The following VWA8 variants were observed in gnomAD, a reference collection of about 807,000 sequenced individuals.
VWA8 encodes von Willebrand factor A domain containing 8, also known as von Willebrand factor A domain-containing protein 8.
Under a neutral mutation model 241.5 loss-of-function variants are expected in VWA8, and 221 were observed. The ratio of observed to expected loss-of-function variants is 0.91; its 90% confidence interval spans 0.82 to 1.02. VWA8 has a LOEUF of 1.02. Ranked by LOEUF, VWA8 falls within the 50% of genes least tolerant of loss-of-function variation. The pLI is 0.00. For synonymous variants in VWA8, 852 were observed against 827.1 expected, an observed-to-expected ratio of 1.03 and a Z score of -0.52; for missense variants, 2,322 against 2,328.7, an observed-to-expected ratio of 1.00 and a Z score of 0.06.
At chr13:41,579,320 A>G (rs2044368623) in intron 42 of VWA8, among the ~76,000 whole-genome samples, 1 of 152,224 alleles carries the variant, frequency 6.6e-6, no homozygotes, top group Non-Finnish European at 1.5e-5. Flanking sequence ...ATGTGATTTA[A>G]AAAGTCAAGA....
chr13:41,747,885 T>C (rs1382324987), intron 21 of VWA8, among the ~76,000 whole-genome samples: 2 of 152,246 alleles, frequency 1.3e-5, no homozygotes, highest in Admixed American at 6.5e-5. Flanking sequence ...GTTCTGTTTA[T>C]ATGCTGGATT....
intron 29 of VWA8, 57 bp from the exon 30 acceptor site, chr13:41,693,029 T>TTA: frequency 2.9e-6 from 3 of 1,045,244 alleles, no homozygotes; most frequent in Non-Finnish European, 4.1e-6. Context: ...TTTTTTTTTT[T>TTA]AAAGCAGCAA....
At chr13:41,755,124 C>A (rs1025311583) in intron 21 of VWA8, among the ~76,000 whole-genome samples, 1 of 151,990 alleles carries the variant, frequency 6.6e-6, no homozygotes, top group Non-Finnish European at 1.5e-5. Flanking sequence ...TGGGTATATA[C>A]CCAGCAGTGG....
intron 29 of VWA8, among the ~76,000 whole-genome samples, chr13:41,696,585 C>T (rs2045217115): frequency 6.6e-6 from 1 of 152,158 alleles, no homozygotes; most frequent in Non-Finnish European, 1.5e-5. Context: ...ATGTACTTGC[C>T]AGACAAGTTA....
At chr13:41,799,571 AG>A (rs1208607622) in intron 17 of VWA8, among the ~76,000 whole-genome samples, 2 of 152,172 alleles carry the variant, frequency 1.3e-5, no homozygotes, top group African/African-American at 4.8e-5. Context: ...TTCTTCATGC[AG>A]GAATCTTAAT....
At chr13:41,934,647 G>A (rs1241637641) in intron 2 of VWA8, among the ~76,000 whole-genome samples, 1 of 151,922 alleles carries the variant, frequency 6.6e-6, no homozygotes, top group Non-Finnish European at 1.5e-5. Context: ...AGTGATAAAA[G>A]CTAGACAGAA....
intron 41 of VWA8, 67 bp from the exon 42 acceptor site, chr13:41,587,737 G>C (rs565783965): frequency 5.7e-6 from 9 of 1,587,852 alleles, no homozygotes; most frequent in Non-Finnish European, 7.7e-6. Flanking sequence ...CTGTCTTGGG[G>C]ATCTCACAGA....
chr13:41,878,219 CATTT>C (rs1873994947), intron 9 of VWA8, among the ~76,000 whole-genome samples: 1 of 151,916 alleles, frequency 6.6e-6, no homozygotes, highest in African/African-American at 2.4e-5. Flanking sequence ...CTTAAGTAAA[CATTT>C]TTTTCCAAAT....
chr13:41,816,618 T>G, intron 16 of VWA8, 80 bp downstream of exon 16: 1 of 1,365,176 alleles, frequency 7.3e-7, no homozygotes, highest in South Asian at 1.3e-5. Context: ...AAAAAATAGA[T>G]TTTAAGTACT....
intron 1 of VWA8, among the ~76,000 whole-genome samples, chr13:41,954,277 T>G (rs1158720589): frequency 4.6e-5 from 7 of 152,248 alleles, no homozygotes; most frequent in Admixed American, 4.6e-4. Flanking sequence ...TCTCCTGAGT[T>G]TCATACCTGC....
At chr13:41,750,487 A>AAGAAAGG (rs1179219232) in intron 21 of VWA8, among the ~76,000 whole-genome samples, 1 of 119,706 alleles carries the variant, frequency 8.4e-6, no homozygotes, top group African/African-American at 2.6e-5. Flanking sequence ...AAAAGGAAAA[A>AAGAAAGG]AAGAAAGGAA....
chr13:41,751,795 T>G (rs913563069), intron 21 of VWA8, among the ~76,000 whole-genome samples: 1 of 152,178 alleles, frequency 6.6e-6, no homozygotes, highest in Non-Finnish European at 1.5e-5. Context: ...CTCAGTTGGT[T>G]AGAACACTTA....
intron 37 of VWA8, among the ~76,000 whole-genome samples, chr13:41,619,626 T>C (rs2044643950): frequency 6.6e-6 from 1 of 152,238 alleles, no homozygotes; most frequent in Admixed American, 6.5e-5. Context: ...TAGCTCTTAT[T>C]ATTTTGAGAT....
intron 12 of VWA8, among the ~76,000 whole-genome samples, chr13:41,852,386 C>T (rs1048908558): frequency 6.6e-6 from 1 of 152,120 alleles, no homozygotes; most frequent in African/African-American, 2.4e-5. Flanking sequence ...ATTTTGTAGA[C>T]TGACTCTTCT....
At chr13:41,886,755 C>T in intron 7 of VWA8, 26 bp downstream of exon 7, 1 of 1,559,294 alleles carries the variant, frequency 6.4e-7, no homozygotes, top group East Asian at 2.3e-5. Context: ...TATTCAGTGT[C>T]CAGACATTTA....
chr13:41,859,383 T>C (rs892748407), intron 12 of VWA8, among the ~76,000 whole-genome samples: 1 of 152,162 alleles, frequency 6.6e-6, no homozygotes, highest in Non-Finnish European at 1.5e-5. Flanking sequence ...AAAGAAAAAC[T>C]TAGCTAAGAG....
At position 41,597,186 on chromosome 13, in the gene VWA8, TTC is replaced by T. The variant is rs563591869; in HGVS notation, c.4987-6423_4987-6422del. Among the ~76,000 whole-genome samples the T allele has an allele frequency of 1.7e-3, 254 of 152,242 alleles. 5 individuals are homozygous for T. Among genetic ancestry groups the T allele is most frequent in the South Asian group, 4.2e-3 (20 of 4,818 alleles). On this transcript the variant is annotated intron_variant, in intron 40 of 44. Transcript: ENST00000379310. Reference sequence around the variant, plus strand: ...GTTAGAGGGTACCTGTGAACAGCGATTCTCTTATTAAACATTAGCTCCCATTA... The same window carrying T: ...GTTAGAGGGTACCTGTGAACAGCGATTCTTATTAAACATTAGCTCCCATTA...
chr13:41,676,362 C>T (rs185725262), intron 35 of VWA8, among the ~76,000 whole-genome samples: 2 of 152,206 alleles, frequency 1.3e-5, no homozygotes, highest in African/African-American at 4.8e-5. Context: ...ATCATCCCAC[C>T]AGCCAAGAGC....
chr13:41,671,713 T>G (rs1266504560), intron 36 of VWA8, among the ~76,000 whole-genome samples: 1 of 152,092 alleles, frequency 6.6e-6, no homozygotes, highest in East Asian at 1.9e-4. Flanking sequence ...AGCTTGCACT[T>G]GCATGTGGTC....
Sources: allele counts gnomAD v4.1 joint callset (sites outside exome capture counted in the v4.1 genomes callset), GRCh38; gene constraint gnomAD v4.1.1; transcripts MANE v1.5; gene names NCBI Gene and HGNC (gene_info 2026-07-23, HGNC 2026-07-21).